YTHDC2: variants seen among roughly 807,000 people sequenced by gnomAD.
YTHDC2 encodes 3'-5' RNA helicase YTHDC2.
A neutral mutation model predicts 174.9 loss-of-function variants in YTHDC2; 45 were observed. That is an observed-to-expected ratio of 0.26 (90% CI 0.20 to 0.33). The LOEUF is 0.33. Among genes scored for constraint, YTHDC2 ranks in the 10% least tolerant of loss-of-function variants. YTHDC2 has a pLI of 1.00. For missense variants in YTHDC2, 1,650 were observed against 1,723.7 expected (o/e 0.96, Z 0.76); for synonymous variants, 657 against 574.5 (o/e 1.14, Z -2.05).
Position 113,593,385 on chromosome 5 carries a change from A to C in YTHDC2, c.*2A>C. On this transcript the variant is annotated 3_prime_UTR_variant, in exon 29 of 30. Transcript: ENST00000161863. ...GGAGAAAAAAACACAACTGATTGACACTCAGGTTATACCATCTTGACTTTG... is the reference window on the plus strand; with the variant it reads ...GGAGAAAAAAACACAACTGATTGACCCTCAGGTTATACCATCTTGACTTTG... The C allele has an allele frequency of 6.2e-7, 1 of 1,610,910 alleles. No homozygotes were observed. Among genetic ancestry groups the C allele is most frequent in the African/African-American group, 1.3e-5 (1 of 74,910 alleles).
intron 2 of YTHDC2, among the ~76,000 whole-genome samples, chr5:113,520,936 C>G (rs1773821919): frequency 6.6e-6 from 1 of 152,102 alleles, no homozygotes; most frequent in African/African-American, 2.4e-5. Context: ...CTGATAGACC[C>G]CAGTGCCTGT....
At chr5:113,585,677 C>A (rs1388940886) in intron 26 of YTHDC2, among the ~76,000 whole-genome samples, 1 of 151,528 alleles carries the variant, frequency 6.6e-6, no homozygotes, top group Non-Finnish European at 1.5e-5. Context: ...TAAATGGAAT[C>A]ATATATATGT....
intron 23 of YTHDC2, among the ~76,000 whole-genome samples, chr5:113,575,778 A>G (rs1335289383): frequency 6.6e-6 from 1 of 152,226 alleles, no homozygotes; most frequent in Non-Finnish European, 1.5e-5. Context: ...GGCTAAGGGG[A>G]TGAATTACAG....
intron 1 of YTHDC2, among the ~76,000 whole-genome samples, chr5:113,515,034 A>G (rs1561612794): frequency 2.0e-5 from 3 of 152,172 alleles, no homozygotes; most frequent in Non-Finnish European, 4.4e-5. Flanking sequence ...GGTTTAATAC[A>G]TAGCTGTCTT....
At chr5:113,533,473 C>T (rs1318319659) in intron 5 of YTHDC2, among the ~76,000 whole-genome samples, 6 of 151,670 alleles carry the variant, frequency 4.0e-5, no homozygotes, top group East Asian at 1.9e-4. Context: ...CGTTTGAACC[C>T]GGAAGGCGGA....
At chr5:113,533,490 G>A (rs1053078271) in intron 5 of YTHDC2, among the ~76,000 whole-genome samples, 31 of 151,790 alleles carry the variant, frequency 2.0e-4, no homozygotes, top group African/African-American at 6.8e-4. Context: ...CGGAGGTTGT[G>A]GTGAGCTGAG....
chr5:113,574,212 A>T (rs977954218), intron 23 of YTHDC2, among the ~76,000 whole-genome samples: 9 of 152,088 alleles, frequency 5.9e-5, no homozygotes, highest in Admixed American at 2.0e-4. Context: ...CCAGTCTTCC[A>T]TAGGGCTGCT....
chr5:113,532,382 A>C (rs991411146), intron 4 of YTHDC2, among the ~76,000 whole-genome samples: 2 of 152,164 alleles, frequency 1.3e-5, no homozygotes, highest in Non-Finnish European at 2.9e-5. Context: ...AATCGTTCCA[A>C]CCTGTTTGAA....
At chr5:113,520,887 AT>A (rs1467674234) in intron 2 of YTHDC2, among the ~76,000 whole-genome samples, 1 of 152,042 alleles carries the variant, frequency 6.6e-6, no homozygotes, top group African/African-American at 2.4e-5. Context: ...AGTACCCATT[AT>A]TTTTCTTAAT....
rs961361470 is a variant in YTHDC2 at position 113,594,792 on chromosome 5, A to T, written c.*1318A>T. On this transcript the variant is annotated 3_prime_UTR_variant, in exon 30 of 30. Transcript: ENST00000161863. The stretch of plus-strand genomic sequence containing the variant: ...TGAGTGTAAATTAAAGACAAAAAGA[A>T]AACTCTGGTTTTATATTTGAGAACA... The T allele has an allele frequency of 2.0e-5, 3 of 152,216 alleles. No individual in the cohort carries two copies. Among genetic ancestry groups the T allele is most frequent in the African/African-American group, 7.2e-5 (3 of 41,452 alleles). 9.4% of individuals were successfully genotyped at this position (152,216 alleles called of 1,614,324 possible).
chr5:113,536,155 A>AACTT (rs1291339766), intron 7 of YTHDC2, among the ~76,000 whole-genome samples: 2 of 152,256 alleles, frequency 1.3e-5, no homozygotes, highest in Non-Finnish European at 2.9e-5. Context: ...ATGCTAAAAC[A>AACTT]ACTTTTGCCC....
At chr5:113,517,818 C>A (rs542875142) in intron 2 of YTHDC2, among the ~76,000 whole-genome samples, 7 of 152,268 alleles carry the variant, frequency 4.6e-5, no homozygotes, top group African/African-American at 1.7e-4. Context: ...CAAATCCTTT[C>A]TTTTCATTTG....
intron 21 of YTHDC2, 27 bp from the exon 22 acceptor site, chr5:113,567,065 A>C: frequency 6.3e-7 from 1 of 1,598,430 alleles, no homozygotes; most frequent in South Asian, 1.1e-5. Context: ...ACAATAGAAA[A>C]ATTGGTGTGG....
intron 28 of YTHDC2, 138 bp from the exon 29 acceptor site, chr5:113,593,165 C>T: frequency 1.6e-6 from 1 of 611,654 alleles, no homozygotes; most frequent in South Asian, 2.1e-5. Context: ...ACAATTCATA[C>T]CAGATGATTT....
rs762271627 is a variant in YTHDC2, at chr5:113,553,577, A to G, written c.1868-13A>G. ...CAATGAGATTTAATATTAAAAAGTC[A>G]TTCTTCTCCAAGGTGCAGTACTAAT... is the stretch of plus-strand genomic sequence containing the variant. On this transcript the variant is annotated splice_polypyrimidine_tract_variant and intron_variant, in intron 13 of 29. Coordinates refer to ENST00000161863, the MANE Select transcript of YTHDC2 (RefSeq NM_022828.5). 4 of 1,610,530 alleles carry G rather than the reference A, an allele frequency of 2.5e-6. No homozygotes were observed. Among genetic ancestry groups the G allele is most frequent in the South Asian group, 2.2e-5 (2 of 90,480 alleles).
chr5:113,591,664 T>C (rs1404074244), intron 27 of YTHDC2, among the ~76,000 whole-genome samples: 2 of 152,142 alleles, frequency 1.3e-5, no homozygotes, highest in Non-Finnish European at 2.9e-5. Context: ...ATTTATTATT[T>C]GATGTTTATT....
At chr5:113,561,614 G>A (rs554806197) in intron 18 of YTHDC2, among the ~76,000 whole-genome samples, 4 of 151,552 alleles carry the variant, frequency 2.6e-5, no homozygotes, top group East Asian at 3.9e-4. Flanking sequence ...GATTACAGGC[G>A]CCCACCACCG....
chr5:113,567,201 C>A lies in YTHDC2; in HGVS notation c.2952C>A (p.Val984=). The part of the protein sequence containing the change: ...ALVAGMYPNL[V]HVDRENLVLT... ...TGGCAGGCATGTATCCTAATTTAGT[C>A]CACGTGGACAGAGAGAATCTAGTGT... The change falls in exon 22 of 30, where the codon GTC becomes GTA. Residue 984 remains valine (V), a synonymous_variant. Transcript: ENST00000161863. The A allele has an allele frequency of 6.2e-7, 1 of 1,613,644 alleles. No individual in the cohort carries two copies. The highest frequency in any genetic ancestry group is 8.5e-7 in the Non-Finnish European group (1 of 1,179,898).
chr5:113,542,301 C>T, intron 9 of YTHDC2, 67 bp from the exon 10 acceptor site: 1 of 1,542,426 alleles, frequency 6.5e-7, no homozygotes, highest in East Asian at 2.3e-5. Flanking sequence ...TTGTGGCCAT[C>T]TTATGTTCTT....
Sources: allele counts gnomAD v4.1 joint callset (sites outside exome capture counted in the v4.1 genomes callset), GRCh38; gene constraint gnomAD v4.1.1; transcripts MANE v1.5; gene names NCBI Gene and HGNC (gene_info 2026-07-23, HGNC 2026-07-21).